The following MBOAT2 variants were observed in gnomAD, a reference collection of about 807,000 sequenced individuals.
MBOAT2 encodes the protein membrane-bound glycerophospholipid O-acyltransferase 2.
Under a neutral mutation model 63.4 loss-of-function variants are expected in MBOAT2, and 28 were observed. That is an observed-to-expected ratio of 0.44 (90% confidence interval 0.33 to 0.61). The LOEUF is 0.61. MBOAT2 is among the 20% of genes least tolerant of loss of function. MBOAT2 has a pLI of 0.03. For missense variants in MBOAT2, 470 were observed against 605.8 expected (o/e 0.78, Z 2.35); for synonymous variants, 211 against 215.6 (o/e 0.98, Z 0.19).
rs72771533 is a variant in MBOAT2, at chr2:8,963,142, G to A, written c.76-4500C>T. ...TAGTCCCAGCTACTGGGGAGGTGAGGTGGAAGGATTGCTTGAGCCTTGGAG... is the reference window on the plus strand; with the variant it reads ...TAGTCCCAGCTACTGGGGAGGTGAGATGGAAGGATTGCTTGAGCCTTGGAG... On this transcript the variant is annotated intron_variant, in intron 1 of 12. Transcript: ENST00000305997. 8.4e-3 allele frequency among the ~76,000 whole-genome samples: 1,276 copies of A among 151,944 alleles called. 8 individuals carry two copies. Among genetic ancestry groups the A allele is most frequent in the Non-Finnish European group, 0.015 (1,029 of 67,972 alleles).
At chr2:8,904,925 A>G (rs1206406237) in intron 4 of MBOAT2, among the ~76,000 whole-genome samples, 1 of 152,162 alleles carries the variant, frequency 6.6e-6, no homozygotes, top group Non-Finnish European at 1.5e-5. Context: ...AACTTGTATT[A>G]TGTATTATGG....
At chr2:8,863,285 C>T (rs1270347499) in intron 10 of MBOAT2, among the ~76,000 whole-genome samples, 1 of 152,036 alleles carries the variant, frequency 6.6e-6, no homozygotes. Context: ...GAGATGACAG[C>T]GTATGCTAGC....
intron 2 of MBOAT2, among the ~76,000 whole-genome samples, chr2:8,951,377 G>C (rs1012284816): frequency 6.6e-6 from 1 of 152,022 alleles, no homozygotes; most frequent in African/African-American, 2.4e-5. Context: ...GCTAATTTTT[G>C]TGTTTTTAGT....
chr2:8,939,753 C>T (rs1667916759), intron 3 of MBOAT2, among the ~76,000 whole-genome samples: 2 of 152,170 alleles, frequency 1.3e-5, no homozygotes, highest in Non-Finnish European at 2.9e-5. Flanking sequence ...CACATACACA[C>T]ACAGAATAAA....
At chr2:8,954,870 G>A (rs899766550) in intron 2 of MBOAT2, among the ~76,000 whole-genome samples, 2 of 152,184 alleles carry the variant, frequency 1.3e-5, no homozygotes, top group Non-Finnish European at 2.9e-5. Flanking sequence ...CCTGGGAGTG[G>A]AGCAGAGGCG....
At chr2:8,894,860 G>A (rs1464559117) in intron 4 of MBOAT2, among the ~76,000 whole-genome samples, 1 of 152,172 alleles carries the variant, frequency 6.6e-6, no homozygotes, top group Non-Finnish European at 1.5e-5. Flanking sequence ...GCTCTTAAAG[G>A]CGGCACGTCT....
intron 3 of MBOAT2, among the ~76,000 whole-genome samples, chr2:8,925,471 A>G (rs1302302273): frequency 1.3e-5 from 2 of 152,262 alleles, no homozygotes; most frequent in Admixed American, 1.3e-4. Context: ...GTAAGTGGGA[A>G]AAGGATGAAG....
intron 4 of MBOAT2, among the ~76,000 whole-genome samples, chr2:8,890,027 G>A (rs1362269182): frequency 3.9e-5 from 6 of 152,260 alleles, no homozygotes; most frequent in Non-Finnish European, 7.4e-5. Flanking sequence ...GATGGGTGAC[G>A]TGTAGCTAGG....
chr2:8,971,846 C>T (rs1573211169), intron 1 of MBOAT2, among the ~76,000 whole-genome samples: 1 of 152,218 alleles, frequency 6.6e-6, no homozygotes, highest in African/African-American at 2.4e-5. Flanking sequence ...AACTACAAAC[C>T]ACTGCTCAAC....
At chr2:8,904,936 T>C (rs774294071) in intron 4 of MBOAT2, among the ~76,000 whole-genome samples, 11 of 152,212 alleles carry the variant, frequency 7.2e-5, no homozygotes, top group Non-Finnish European at 1.5e-4. Flanking sequence ...TGTATTATGG[T>C]ATAAGTTTAT....
intron 9 of MBOAT2, among the ~76,000 whole-genome samples, chr2:8,867,512 A>T (rs1661986699): frequency 6.6e-6 from 1 of 152,178 alleles, no homozygotes; most frequent in Non-Finnish European, 1.5e-5. Context: ...TGCCTCGTGG[A>T]CAACTCACTA....
At position 8,941,652 on chromosome 2, in the gene MBOAT2, AG is replaced by A. The variant is rs1453355658; in HGVS notation, c.299+1534del. ...GCAACAGAGTGAGACTCCGTCTCAA[AG>A]GAAAAAAAAAAAAAAGAAATGTGGC... On this transcript the variant is annotated intron_variant, in intron 3 of 12. Transcript: ENST00000305997. 4.0e-5 allele frequency among the ~76,000 whole-genome samples: 6 copies of A among 151,638 alleles called. No homozygotes were observed. In the East Asian group the frequency reaches 1.2e-3, roughly 29 times the overall value.
At chr2:8,974,029 T>C (rs1461977567) in intron 1 of MBOAT2, among the ~76,000 whole-genome samples, 2 of 152,180 alleles carry the variant, frequency 1.3e-5, no homozygotes, top group East Asian at 3.9e-4. Flanking sequence ...GAATGCTCTC[T>C]AGCCATCACA....
At chr2:8,960,351 T>C (rs796363523) in intron 1 of MBOAT2, among the ~76,000 whole-genome samples, 1 of 152,316 alleles carries the variant, frequency 6.6e-6, no homozygotes, top group African/African-American at 2.4e-5. Context: ...AATCTAAACA[T>C]GCATGAGTCC....
intron 6 of MBOAT2, among the ~76,000 whole-genome samples, chr2:8,879,816 CA>C (rs1290836082): frequency 2.0e-5 from 3 of 152,134 alleles, no homozygotes; most frequent in Admixed American, 6.5e-5. Context: ...TCCTCAGTGA[CA>C]GGGGCAGGGA....
intron 1 of MBOAT2, among the ~76,000 whole-genome samples, chr2:8,988,901 A>C (rs1023904938): frequency 2.0e-5 from 3 of 152,226 alleles, no homozygotes; most frequent in East Asian, 3.8e-4. Context: ...ATGAAGAAAA[A>C]AGGGAAGTGT....
At chr2:8,896,722 G>A (rs1336296082) in intron 4 of MBOAT2, among the ~76,000 whole-genome samples, 1 of 152,172 alleles carries the variant, frequency 6.6e-6, no homozygotes, top group East Asian at 1.9e-4. Flanking sequence ...CAGCTCACAC[G>A]TTTGAGCAGA....
intron 3 of MBOAT2, among the ~76,000 whole-genome samples, chr2:8,916,809 A>G (rs779272222): frequency 4.7e-4 from 72 of 152,314 alleles, no homozygotes; most frequent in Non-Finnish European, 8.7e-4. Flanking sequence ...CCCTCTGTTT[A>G]TATTTTCCAA....
intron 3 of MBOAT2, among the ~76,000 whole-genome samples, chr2:8,924,881 C>T (rs191674602): frequency 3.9e-5 from 6 of 152,034 alleles, no homozygotes; most frequent in South Asian, 4.1e-4. Flanking sequence ...CAAAATACAA[C>T]GAATAATATT....
Sources: gnomAD v4.1 joint callset for allele counts (sites outside exome capture counted in the v4.1 genomes callset) on GRCh38, gnomAD v4.1.1 for gene constraint, MANE v1.5 for transcripts, NCBI Gene and HGNC (gene_info 2026-07-23, HGNC 2026-07-21) for gene names.